Variants in SAXO4 observed in about 807,000 individuals in gnomAD.
SAXO4 encodes the protein protein phosphatase 1 regulatory subunit 32.
At chr11:61,489,889 T>C in the SAXO4 span, 4 of 1,613,806 alleles carry the variant, frequency 2.5e-6, no homozygotes, top group Non-Finnish European at 3.4e-6. Flanking sequence ...GTCAGCTGCA[T>C]GGAGGCCACC....
the SAXO4 span, chr11:61,490,471 C>G: frequency 6.2e-7 from 1 of 1,601,202 alleles, no homozygotes; most frequent in Non-Finnish European, 8.6e-7. Context: ...CTGCCAACAC[C>G]CCCAACACTC....
At chr11:61,489,571 C>T in the SAXO4 span, 1 of 613,472 alleles carries the variant, frequency 1.6e-6, no homozygotes, top group Admixed American at 2.8e-5. Flanking sequence ...CTTTAACACT[C>T]CAAAGAGTGT....
the SAXO4 span, chr11:61,486,443 G>T: frequency 6.2e-7 from 1 of 1,613,600 alleles, no homozygotes; most frequent in Non-Finnish European, 8.5e-7. Context: ...CGCCTGGCGG[G>T]GAGCAGTTAG....
At chr11:61,487,168 A>G in the SAXO4 span, 2 of 1,614,098 alleles carry the variant, frequency 1.2e-6, no homozygotes. Context: ...TTCAGCCTTA[A>G]CAACCCCATG....
chr11:61,482,327 G>A, the SAXO4 span: 1 of 1,614,166 alleles, frequency 6.2e-7, no homozygotes, highest in Non-Finnish European at 8.5e-7. Flanking sequence ...AGGATTTCAA[G>A]CCCCGTGTGG....
chr11:61,486,689 A>G, the SAXO4 span: 8 of 1,344,914 alleles, frequency 5.9e-6, no homozygotes, highest in Non-Finnish European at 7.4e-6. Context: ...TGGGTCAGGC[A>G]TTGAAGAATG....
chr11:61,483,865 G>A, the SAXO4 span, among the ~76,000 whole-genome samples: 3 of 152,062 alleles, frequency 2.0e-5, no homozygotes, highest in Admixed American at 1.3e-4. Flanking sequence ...GGCTGAGGCA[G>A]GAGAATTGCT....
the SAXO4 span, chr11:61,490,514 G>C: frequency 6.2e-7 from 1 of 1,614,110 alleles, no homozygotes; most frequent in South Asian, 1.1e-5. Context: ...CCTGACCTCA[G>C]CTGACCCCTT....
At chr11:61,486,406 A>G in the SAXO4 span, 7 of 1,614,134 alleles carry the variant, frequency 4.3e-6, no homozygotes, top group Non-Finnish European at 5.9e-6. Context: ...ACCTACATGT[A>G]AGCTGAGCTA....
At chr11:61,486,437 T>C in the SAXO4 span, 3 of 1,613,832 alleles carry the variant, frequency 1.9e-6, no homozygotes, top group Non-Finnish European at 2.5e-6. Flanking sequence ...GGGGACCGCC[T>C]GGCGGGGAGC....
At chr11:61,486,552 G>A in the SAXO4 span, 12 of 1,614,190 alleles carry the variant, frequency 7.4e-6, no homozygotes, top group East Asian at 2.7e-4. Context: ...GTGTTGGCCA[G>A]AGGCTCCAAG....
the SAXO4 span, chr11:61,490,034 C>A: frequency 1.5e-6 from 2 of 1,317,180 alleles, no homozygotes; most frequent in South Asian, 1.4e-5. Context: ...CTCTTGCTGT[C>A]AGTCCGGTTC....
At chr11:61,482,836 G>C in the SAXO4 span, 1 of 1,569,366 alleles carries the variant, frequency 6.4e-7, no homozygotes, top group Non-Finnish European at 8.6e-7. Flanking sequence ...GCCAGGAGAG[G>C]GAAGCCTCAG....
the SAXO4 span, chr11:61,485,479 G>C: frequency 2.2e-6 from 3 of 1,340,302 alleles, no homozygotes; most frequent in Non-Finnish European, 3.1e-6. Context: ...GGGCCCTGGA[G>C]CTGGCCTAGG....
the SAXO4 span, chr11:61,489,729 T>G: frequency 4.4e-6 from 7 of 1,591,458 alleles, no homozygotes; most frequent in Non-Finnish European, 6.0e-6. Flanking sequence ...CAGCAGGGGT[T>G]GCAGAGGTGG....
chr11:61,489,751 C>T, the SAXO4 span: 1 of 1,612,648 alleles, frequency 6.2e-7, no homozygotes, highest in Non-Finnish European at 8.5e-7. Flanking sequence ...CAGAGTCCAG[C>T]TTCCAGCCAA....
chr11:61,485,471 G>A, the SAXO4 span: 6 of 1,418,524 alleles, frequency 4.2e-6, no homozygotes, highest in South Asian at 7.3e-5. Flanking sequence ...TACCCCAGGG[G>A]CCCTGGAGCT....
chr11:61,487,127 G>A, the SAXO4 span: 2 of 1,613,044 alleles, frequency 1.2e-6, no homozygotes, highest in East Asian at 4.5e-5. Context: ...CAATTCCCCT[G>A]TCTACCCCTC....
chr11:61,487,191 CCCTGTGAT>C, the SAXO4 span: 2 of 1,613,966 alleles, frequency 1.2e-6, no homozygotes, highest in Admixed American at 1.7e-5. Flanking sequence ...TGTCCGGAGC[CCCTGTGAT>C]CCTGACAGGG....
Sources: allele counts gnomAD v4.1 joint callset (sites outside exome capture counted in the v4.1 genomes callset), GRCh38; gene constraint gnomAD v4.1.1; transcripts MANE v1.5; gene names NCBI Gene and HGNC (gene_info 2026-07-23, HGNC 2026-07-21).